Variants in EIF3M observed in about 807,000 individuals in gnomAD.
EIF3M encodes the protein B5 receptor.
A neutral mutation model predicts 49.7 loss-of-function variants in EIF3M; 25 were observed. The ratio of observed to expected loss-of-function variants is 0.50; its 90% CI spans 0.37 to 0.70. The LOEUF (loss-of-function observed/expected upper bound fraction) is 0.70. Ranked by LOEUF, EIF3M falls within the 30% of genes least tolerant of loss-of-function variation. The pLI is 0.00. For missense variants in EIF3M, 350 were observed against 440.0 expected (o/e 0.80, Z 1.83); for synonymous variants, 156 against 149.8 (o/e 1.04, Z -0.30).
intron 1 of EIF3M, among the ~76,000 whole-genome samples, chr11:32,586,389 G>A (rs552094426): frequency 1.3e-5 from 2 of 152,284 alleles, no homozygotes; most frequent in East Asian, 3.9e-4. Flanking sequence ...TTATAGGTCC[G>A]AAGATGCATG....
At chr11:32,599,371 A>G (rs186813039) in intron 8 of EIF3M, among the ~76,000 whole-genome samples, 248 of 152,134 alleles carry the variant, frequency 1.6e-3, no homozygotes, top group African/African-American at 5.7e-3. Flanking sequence ...CATTTGAGTT[A>G]TGGTGATCAT....
At chr11:32,601,716 T>G (rs1855268623) in intron 9 of EIF3M, 46 bp from the exon 10 acceptor site, 3 of 1,566,816 alleles carry the variant, frequency 1.9e-6, no homozygotes, top group Admixed American at 1.9e-5. Context: ...GCTATTTTTC[T>G]TGGAAATTTT....
chr11:32,588,808 A>G (rs2133194782), intron 3 of EIF3M, 76 bp downstream of exon 3: 1 of 1,589,506 alleles, frequency 6.3e-7, no homozygotes, highest in Admixed American at 1.7e-5. Flanking sequence ...GGTGCAGAGC[A>G]GGAATTCTGG....
intron 1 of EIF3M, 96 bp from the exon 2 acceptor site, chr11:32,586,915 TA>T: frequency 7.0e-7 from 1 of 1,421,398 alleles, no homozygotes; most frequent in Non-Finnish European, 9.4e-7. Flanking sequence ...AGTTGTTGAA[TA>T]CAGTATTTCC....
intron 8 of EIF3M, among the ~76,000 whole-genome samples, chr11:32,598,358 G>A (rs1311100623): frequency 6.6e-6 from 1 of 152,096 alleles, no homozygotes; most frequent in Non-Finnish European, 1.5e-5. Flanking sequence ...TGACATATTA[G>A]TAATGAATAA....
chr11:32,596,600 CAAAAAA>C (rs35206274), intron 8 of EIF3M, among the ~76,000 whole-genome samples: 1 of 116,394 alleles, frequency 8.6e-6, no homozygotes, highest in Non-Finnish European at 1.8e-5. Context: ...GAGTCTGTCT[CAAAAAA>C]AAAAAAAAAA....
intron 6 of EIF3M, 121 bp from the exon 7 acceptor site, chr11:32,594,793 G>T: frequency 2.7e-6 from 2 of 747,094 alleles, no homozygotes; most frequent in Admixed American, 3.1e-5. Context: ...TTTTAATGTT[G>T]TTTATATGTT....
intron 5 of EIF3M, chr11:32,592,713 A>G: frequency 2.0e-6 from 1 of 509,682 alleles, no homozygotes; most frequent in Non-Finnish European, 3.9e-6. Flanking sequence ...TTCAAAGCTC[A>G]GACCACCAAT....
At chr11:32,600,890 C>T (rs1855251880) in intron 9 of EIF3M, 58 bp downstream of exon 9, 3 of 1,517,626 alleles carry the variant, frequency 2.0e-6, no homozygotes, top group South Asian at 2.8e-5. Context: ...CTACATGGAT[C>T]ATAGTAAGAT....
Position 32,605,995 on chromosome 11 carries a change from A to G in EIF3M, c.*3596A>G, listed in dbSNP as rs150619421. On this transcript the variant is annotated 3_prime_UTR_variant, in exon 11 of 11. Transcript: ENST00000531120. ...ATATTTTAAAATTAAACTTAAATGA[A>G]TCTAATTCATTGGATATATAAAAAA... The G allele has an allele frequency of 2.5e-4, 35 of 142,500 alleles. 3 individuals carry two copies. In the East Asian group the frequency reaches 6.6e-3, roughly 27 times the overall value. The allele number at this position is 142,500 out of a possible 1,614,324, so 8.8% of individuals were successfully genotyped here. A position where few individuals can be genotyped will look rare whatever the true frequency, so the allele number is the denominator to read the frequency against.
At chr11:32,592,849 AT>A in intron 5 of EIF3M, 1 of 320,202 alleles carries the variant, frequency 3.1e-6, no homozygotes, top group South Asian at 2.7e-5. Flanking sequence ...TACAGTGGGT[AT>A]TTGGCTGTTC....
At chr11:32,601,716 T>A in intron 9 of EIF3M, 46 bp from the exon 10 acceptor site, 1 of 1,566,934 alleles carries the variant, frequency 6.4e-7, no homozygotes, top group Non-Finnish European at 8.7e-7. Flanking sequence ...GCTATTTTTC[T>A]TGGAAATTTT....
chr11:32,589,699 T>C, intron 5 of EIF3M, 58 bp downstream of exon 5: 1 of 1,525,536 alleles, frequency 6.6e-7, no homozygotes. Context: ...TAGGTGGGGA[T>C]GTTTTTTAAA....
chr11:32,597,571 A>G (rs1855199786), intron 8 of EIF3M, among the ~76,000 whole-genome samples: 1 of 152,196 alleles, frequency 6.6e-6, no homozygotes, highest in South Asian at 2.1e-4. Flanking sequence ...AATTGAATCA[A>G]ATCTTATTCA....
chr11:32,604,582 C>G lies in EIF3M; in HGVS notation c.*2183C>G, dbSNP rs1855321120. 1 of 152,130 alleles carries G rather than the reference C, an allele frequency of 6.6e-6. No homozygotes were observed. The highest frequency in any genetic ancestry group is 2.4e-5 in the African/African-American group (1 of 41,442). 9.4% of individuals were successfully genotyped at this position (152,130 alleles called of 1,614,324 possible). Reference sequence around the variant, plus strand: ...GGTCATATTTTTATTGGTTTATATGCTATGTTAAACATTTTTAGCATTTCC... The same window carrying G: ...GGTCATATTTTTATTGGTTTATATGGTATGTTAAACATTTTTAGCATTTCC... On this transcript the variant is annotated 3_prime_UTR_variant, in exon 11 of 11. Transcript: ENST00000531120.
intron 8 of EIF3M, among the ~76,000 whole-genome samples, chr11:32,597,589 T>G (rs1855200201): frequency 6.6e-6 from 1 of 152,204 alleles, no homozygotes; most frequent in Non-Finnish European, 1.5e-5. Flanking sequence ...TCATCCTTAT[T>G]GAGCAAACCC....
intron 1 of EIF3M, 177 bp downstream of exon 1, chr11:32,584,106 C>T (rs1171925104): frequency 1.3e-5 from 10 of 774,642 alleles, no homozygotes; most frequent in South Asian, 1.9e-5. Context: ...CGCACCAGCT[C>T]GCCGGCCGGC....
Position 32,588,635 on chromosome 11 carries a change from A to G in EIF3M, c.217A>G (p.Ile73Val). 6.2e-7 allele frequency: 1 copy of G among 1,614,192 alleles called. No individual in the cohort carries two copies. The highest frequency in any genetic ancestry group is 1.3e-5 in the African/African-American group (1 of 75,052). ...VMNSVVSLLL[I>V]LEPDKQEALI... is the part of the protein sequence containing the mutation. Reference sequence around the variant, plus strand: ...GAACAGTGTGGTATCCCTACTCTTGATCCTGGAACCAGACAAGCAAGAAGC... The same window carrying G: ...GAACAGTGTGGTATCCCTACTCTTGGTCCTGGAACCAGACAAGCAAGAAGC... The change falls in exon 3 of 11, where the codon ATC becomes GTC. Residue 73 changes from isoleucine (I) to valine (V), a missense_variant. By Grantham distance (29) the Ile-to-Val change is conservative (BLOSUM62 3). Coordinates refer to ENST00000531120, the MANE Select transcript of EIF3M (RefSeq NM_006360.6).
At chr11:32,589,788 A>T in intron 5 of EIF3M, 147 bp downstream of exon 5, 2 of 593,732 alleles carry the variant, frequency 3.4e-6, no homozygotes, top group Non-Finnish European at 5.6e-6. Flanking sequence ...ATTTGACCTA[A>T]AGTTAAAGAT....
Sources: allele counts gnomAD v4.1 joint callset (sites outside exome capture counted in the v4.1 genomes callset), GRCh38; gene constraint gnomAD v4.1.1; transcripts MANE v1.5; gene names NCBI Gene and HGNC (gene_info 2026-07-23, HGNC 2026-07-21).